The following HEG1 variants were observed in gnomAD, a reference collection of about 807,000 sequenced individuals.
The protein encoded by HEG1 is protein HEG homolog 1.
Under a neutral mutation model 125.6 loss-of-function variants are expected in HEG1, and 56 were observed. The ratio of observed to expected loss-of-function variants is 0.45; its 90% CI spans 0.36 to 0.56. HEG1 has a LOEUF of 0.56. Among genes scored for constraint, HEG1 ranks in the 20% least tolerant of loss-of-function variants. HEG1 has a pLI of 0.00. For missense variants in HEG1, 1,523 were observed against 1,670.0 expected (o/e 0.91, Z 1.53); for synonymous variants, 644 against 668.5 (o/e 0.96, Z 0.57).
chr3:124,989,947 T>A (rs1204255757), intron 14 of HEG1, among the ~76,000 whole-genome samples: 2 of 152,104 alleles, frequency 1.3e-5, no homozygotes, highest in African/African-American at 4.8e-5. Flanking sequence ...CCAAATCCTC[T>A]ACTTTCTGCC....
intron 1 of HEG1, among the ~76,000 whole-genome samples, chr3:125,033,641 T>C (rs1937519261): frequency 6.6e-6 from 1 of 152,184 alleles, no homozygotes; most frequent in South Asian, 2.1e-4. Context: ...GGGAATGTAC[T>C]AAAACCCACC....
chr3:124,987,448 G>A (rs1265764578), intron 14 of HEG1, among the ~76,000 whole-genome samples: 1 of 151,942 alleles, frequency 6.6e-6, no homozygotes, highest in South Asian at 2.1e-4. Flanking sequence ...GCATTCAGAT[G>A]AGTTTCTTGC....
intron 15 of HEG1, among the ~76,000 whole-genome samples, chr3:124,977,021 G>A (rs1257768391): frequency 6.6e-6 from 1 of 152,216 alleles, no homozygotes; most frequent in East Asian, 1.9e-4. Flanking sequence ...GAGGGACCTG[G>A]TGGGAGATGG....
intron 1 of HEG1, among the ~76,000 whole-genome samples, chr3:125,048,400 T>C (rs542210906): frequency 6.6e-6 from 1 of 152,332 alleles, no homozygotes; most frequent in Admixed American, 6.5e-5. Context: ...CCAGACACCC[T>C]GGCCTTCCTT....
intron 5 of HEG1, among the ~76,000 whole-genome samples, chr3:125,014,383 A>C (rs1196693576): frequency 6.6e-6 from 1 of 152,238 alleles, no homozygotes; most frequent in African/African-American, 2.4e-5. Context: ...TAAATGAAAA[A>C]AGGAAAATCT....
At position 125,012,719 on chromosome 3, in the gene HEG1, CTG is replaced by C; in HGVS notation, c.2858_2859del (p.Thr953SerfsTer6). ...GCCAAGTCTTCAGCCGTGGAAACAA[CTG>C]TGGTTTGGGGAGAAGGAGATGTTCC... Reference protein sequence around the residue: ...SLGTSPSPQTTVVSTAEDLAP... With the variant: ...SLGTSPSPQTXVVSTAEDLAP... On this transcript the variant is annotated frameshift_variant, in exon 6 of 17. Coordinates refer to ENST00000311127, the MANE Select transcript of HEG1 (RefSeq NM_020733.2). LOFTEE classifies it high-confidence loss of function. 1 of 1,613,986 alleles carries C rather than the reference CTG, an allele frequency of 6.2e-7. No individual in the cohort carries two copies.
At position 125,055,578 on chromosome 3, in the gene HEG1, C is replaced by T. The variant is rs1937917559; in HGVS notation, c.313G>A (p.Ala105Thr). The change falls in exon 1 of 17, where the codon GCG becomes ACG. Residue 105 changes from alanine to threonine, a missense_variant. Coordinates refer to ENST00000311127, the MANE Select transcript of HEG1 (RefSeq NM_020733.2). ...PSGRAPRGGS[A>T]DAAWKHWPES... The stretch of plus-strand genomic sequence containing the variant: ...CAGGTTCCCGGCTCTCACTCACCCG[C>T]GCTCCCGCCTCTGGGGGCCCGGCCG... 6 of 1,204,746 alleles carry T rather than the reference C, an allele frequency of 5.0e-6. No individual in the cohort carries two copies. Among genetic ancestry groups the T allele is most frequent in the Non-Finnish European group, 6.2e-6 (6 of 970,164 alleles). 74.6% of individuals were successfully genotyped at this position (1,204,746 alleles called of 1,614,324 possible).
chr3:125,030,493 G>A (rs879020126), intron 1 of HEG1, among the ~76,000 whole-genome samples: 4 of 152,200 alleles, frequency 2.6e-5, no homozygotes, highest in Admixed American at 2.6e-4. Context: ...ACAGTAGACA[G>A]TATCCACAAG....
intron 1 of HEG1, among the ~76,000 whole-genome samples, chr3:125,036,209 CAAAAAAA>C (rs10658772): frequency 2.8e-5 from 2 of 70,562 alleles, no homozygotes; most frequent in Admixed American, 2.1e-4. Flanking sequence ...GACCCTGTCT[CAAAAAAA>C]AAAAAAAAAA....
chr3:124,997,564 AC>A lies in HEG1; in HGVS notation c.3652+124del, dbSNP rs1224372910. On this transcript the variant is annotated intron_variant, in intron 12 of 16. Coordinates refer to ENST00000311127, the MANE Select transcript of HEG1 (RefSeq NM_020733.2). ...TCCTGCCACGAGCAAAATAACAAGA[AC>A]CAGTTACCCTCAGTTTAGAATGGTC... is the stretch of plus-strand genomic sequence containing the variant. The A allele has an allele frequency of 5.8e-6, 5 of 862,074 alleles. No individual in the cohort carries two copies. In the East Asian group the frequency reaches 1.5e-4, roughly 25 times the overall value. The allele number at this position is 862,074 out of a possible 1,614,324, so 53.4% of individuals were successfully genotyped here.
At chr3:125,045,561 G>A (rs975711023) in intron 1 of HEG1, among the ~76,000 whole-genome samples, 4 of 152,208 alleles carry the variant, frequency 2.6e-5, no homozygotes, top group Non-Finnish European at 5.9e-5. Context: ...ATGGGAAAGC[G>A]TTAGCCATGG....
Position 124,990,979 on chromosome 3 carries a change from T to C in HEG1, c.3660A>G (p.Glu1220=). 1 of 1,557,808 alleles carries C rather than the reference T, an allele frequency of 6.4e-7. No homozygotes were observed. The highest frequency in any genetic ancestry group is 8.7e-7 in the Non-Finnish European group (1 of 1,149,472). ...TTTCATTTTCAAGCCTATATCCATC[T>C]TCACATGCTGAAAGACAAAAGGAAA... ...NKMDHSCRAC[E]DGYRLENETC... The change falls in exon 13 of 17, where the codon GAA becomes GAG. Residue 1220 remains glutamate (E), a synonymous_variant. Coordinates refer to ENST00000311127, the MANE Select transcript of HEG1 (RefSeq NM_020733.2).
chr3:125,037,746 G>A (rs1000277785), intron 1 of HEG1, among the ~76,000 whole-genome samples: 15 of 152,238 alleles, frequency 9.9e-5, no homozygotes, highest in African/African-American at 2.4e-4. Context: ...ACTGCTTTCC[G>A]TGTCTCTAGA....
intron 1 of HEG1, among the ~76,000 whole-genome samples, chr3:125,053,595 A>G (rs772535980): frequency 8.5e-5 from 13 of 152,176 alleles, no homozygotes; most frequent in Admixed American, 2.0e-4. Flanking sequence ...AAGAGAACCT[A>G]CCTAGGTAAG....
chr3:125,001,866 C>T lies in HEG1; in HGVS notation c.3503G>A (p.Arg1168Lys), dbSNP rs149463063. 135 of 1,613,116 alleles carry T rather than the reference C, an allele frequency of 8.4e-5. 1 individual carries two copies. In the African/African-American group the frequency reaches 1.5e-3, roughly 18 times the overall value. ...TGCCCTCTTACCTCTAAAGATCCGC[C>T]TCTGAGATCCCAAGAGCTGGCAGAC... is the stretch of plus-strand genomic sequence containing the variant. Reference protein sequence around the residue: ...AEVCQLLGSQRRIFRAGSLCK... With the variant: ...AEVCQLLGSQKRIFRAGSLCK... The change falls in exon 11 of 17, where the codon AGG (arginine) becomes AAG (lysine). Residue 1168 changes from arginine (R) to lysine (K), a missense_variant. Physicochemically the swap from Arg to Lys is conservative, Grantham distance 26 (BLOSUM62 2). Transcript: ENST00000311127.
At chr3:125,049,889 T>G (rs1937763851) in intron 1 of HEG1, among the ~76,000 whole-genome samples, 1 of 152,182 alleles carries the variant, frequency 6.6e-6, no homozygotes, top group Admixed American at 6.5e-5. Context: ...GCTTTCCCTG[T>G]TCAGAAGCCA....
rs186667796 is a variant in HEG1, at chr3:125,005,519, C to T, written c.3194-151G>A. Among the ~76,000 whole-genome samples, 257 of 152,320 alleles carry T rather than the reference C, an allele frequency of 1.7e-3. 1 individual carries two copies. The highest frequency in any genetic ancestry group is 2.9e-3 in the Non-Finnish European group (198 of 68,034). ...CCTTATGGGTGAAGACTCCCTCTCC[C>T]TCTTCTAGATTTTTCTCTAGCAAAG... On this transcript the variant is annotated intron_variant, in intron 8 of 16. Coordinates refer to ENST00000311127, the MANE Select transcript of HEG1 (RefSeq NM_020733.2).
rs1936398935 is a variant in HEG1 at position 124,970,058 on chromosome 3, T to C, written c.*594A>G. On this transcript the variant is annotated 3_prime_UTR_variant, in exon 17 of 17. Transcript: ENST00000311127. ...GGGGGCTGGCTTGGAAACTGTAGCA[T>C]AAGACAACCTAGAAACATATGAAAA... 1 of 152,356 alleles carries C rather than the reference T, an allele frequency of 6.6e-6. No individual in the cohort carries two copies. Among genetic ancestry groups the C allele is most frequent in the Non-Finnish European group, 1.5e-5 (1 of 68,184 alleles). 9.4% of individuals were successfully genotyped at this position (152,356 alleles called of 1,614,324 possible).
intron 15 of HEG1, among the ~76,000 whole-genome samples, chr3:124,974,280 A>C (rs1429529044): frequency 6.6e-6 from 1 of 152,134 alleles, no homozygotes; most frequent in Non-Finnish European, 1.5e-5. Context: ...AGGGGCCCTT[A>C]GACTCATTCT....
Sources: gnomAD v4.1 joint callset for allele counts (sites outside exome capture counted in the v4.1 genomes callset) on GRCh38, gnomAD v4.1.1 for gene constraint, MANE v1.5 for transcripts, NCBI Gene and HGNC (gene_info 2026-07-23, HGNC 2026-07-21) for gene names.